LARP1: variants seen among roughly 807,000 people sequenced by gnomAD.
The protein encoded by LARP1 is la-related protein 1.
Under a neutral mutation model 122.7 loss-of-function variants are expected in LARP1, and 36 were observed. The observed-to-expected ratio is 0.29, with a 90% CI of 0.22 to 0.39. The LOEUF (loss-of-function observed/expected upper bound fraction) is 0.39, where lower values mean the gene tolerates loss of function less well. LARP1 is among the 10% of genes least tolerant of loss of function. The pLI, the probability that LARP1 is intolerant of heterozygous loss-of-function variation, is 1.00. For missense variants in LARP1, 1,040 were observed against 1,403.6 expected (o/e 0.74, Z 4.14); for synonymous variants, 539 against 528.7 (o/e 1.02, Z -0.27).
intron 1 of LARP1, among the ~76,000 whole-genome samples, chr5:154,732,349 T>C (rs1392746222): frequency 6.6e-6 from 1 of 152,172 alleles, no homozygotes; most frequent in African/African-American, 2.4e-5. Context: ...AGTGAGCTTA[T>C]TTACCTTTCT....
upstream of LARP1, among the ~76,000 whole-genome samples, chr5:154,710,285 G>A (rs79512357): frequency 0.02 from 3,026 of 152,218 alleles, 96 homozygotes; most frequent in African/African-American, 0.069. Flanking sequence ...AATTCACTTA[G>A]TTTATTTGTT....
chr5:154,729,665 G>A, intron 1 of LARP1: 3 of 365,934 alleles, frequency 8.2e-6, no homozygotes, highest in South Asian at 2.4e-5. Context: ...CTGAGCTGCT[G>A]GAATCTATCC....
intron 1 of LARP1, among the ~76,000 whole-genome samples, chr5:154,783,960 C>T (rs1047718383): frequency 1.3e-5 from 2 of 152,126 alleles, no homozygotes; most frequent in Non-Finnish European, 2.9e-5. Flanking sequence ...GTGAGTGTTG[C>T]ATTCTGGACT....
chr5:154,695,530 G>A (rs1013212232), intron 1 of LARP1, among the ~76,000 whole-genome samples: 4 of 151,770 alleles, frequency 2.6e-5, no homozygotes, highest in Admixed American at 6.6e-5. Flanking sequence ...GGTGGCGCGC[G>A]CCTGTAAACC....
rs534402905 is a variant in LARP1 at position 154,755,895 on chromosome 5, G to A, written c.138G>A (p.Gly46=). The part of the protein sequence containing the change: ...KGEPGPNDVR[G]GEPDGSARRP... ...AGCCCGGGCCAAACGACGTCCGCGG[G>A]GGGGAGCCGGACGGCAGCGCTCGGA... Residue 46 remains glycine, a synonymous_variant, in exon 1 of 19, where the codon GGG becomes GGA. Transcript: ENST00000518297. The A allele has an allele frequency of 4.9e-6, 5 of 1,011,426 alleles. No homozygotes were observed. Among genetic ancestry groups the A allele is most frequent in the Admixed American group, 1.2e-4 (2 of 17,034 alleles). The allele number at this position is 1,011,426 out of a possible 1,614,324, so 62.7% of individuals were successfully genotyped here. A position where few individuals can be genotyped will look rare whatever the true frequency, so the allele number is the denominator to read the frequency against.
chr5:154,701,248 C>G (rs1356075072), intron 1 of LARP1, among the ~76,000 whole-genome samples: 3 of 152,166 alleles, frequency 2.0e-5, no homozygotes, highest in Non-Finnish European at 4.4e-5. Flanking sequence ...AAGTAACGCC[C>G]CATTGCCCTC....
At position 154,792,863 on chromosome 5, in the gene LARP1, G is replaced by C. The variant is rs1431684950; in HGVS notation, c.739+67G>C. 3 of 1,518,976 alleles carry C rather than the reference G, an allele frequency of 2.0e-6. No individual in the cohort carries two copies. The East Asian group carries it at 6.8e-5, about 34-fold the overall frequency. The allele number at this position is 1,518,976 out of a possible 1,614,324, so 94.1% of individuals were successfully genotyped here. On this transcript the variant is annotated intron_variant, in intron 4 of 18. Coordinates refer to ENST00000518297, the MANE Select transcript of LARP1 (RefSeq NM_033551.3). ...AGAACTGTGAAATGTCAGGACTCCA[G>C]GGGACTGCTGGAGGAGCTTTAGGTG...
At chr5:154,695,955 G>A (rs1449141715) in intron 1 of LARP1, among the ~76,000 whole-genome samples, 3 of 152,208 alleles carry the variant, frequency 2.0e-5, no homozygotes, top group African/African-American at 7.2e-5. Flanking sequence ...ATGTACGCTA[G>A]TAGGTCTTGC....
chr5:154,739,771 G>A (rs1225118471), intron 1 of LARP1, among the ~76,000 whole-genome samples: 2 of 152,122 alleles, frequency 1.3e-5, no homozygotes, highest in Admixed American at 6.6e-5. Flanking sequence ...TCTAAGACTC[G>A]GAAAGACAAA....
chr5:154,696,761 T>A (rs1025465111), intron 1 of LARP1, among the ~76,000 whole-genome samples: 1 of 152,228 alleles, frequency 6.6e-6, no homozygotes, highest in Non-Finnish European at 1.5e-5. Context: ...CCAAGGCAGG[T>A]ATCAATCATT....
intron 1 of LARP1, among the ~76,000 whole-genome samples, chr5:154,783,552 G>A (rs1756631359): frequency 1.3e-5 from 2 of 152,158 alleles, no homozygotes; most frequent in Non-Finnish European, 2.9e-5. Context: ...CCTTTTAGTG[G>A]TTAAGAGCAC....
chr5:154,707,168 C>T (rs979879827), intron 1 of LARP1, among the ~76,000 whole-genome samples: 4 of 152,106 alleles, frequency 2.6e-5, no homozygotes, highest in Non-Finnish European at 5.9e-5. Flanking sequence ...CCTGCAATCC[C>T]AGCACTTTGG....
intron 1 of LARP1, among the ~76,000 whole-genome samples, chr5:154,766,949 C>T (rs1039386250): frequency 6.6e-6 from 1 of 152,168 alleles, no homozygotes; most frequent in Non-Finnish European, 1.5e-5. Context: ...ATCTAAACCT[C>T]TCATTTACAG....
chr5:154,780,569 C>T (rs1756343205), intron 1 of LARP1, among the ~76,000 whole-genome samples: 1 of 152,204 alleles, frequency 6.6e-6, no homozygotes, highest in Non-Finnish European at 1.5e-5. Flanking sequence ...GCCAGCTCTA[C>T]AGCAAATCAC....
chr5:154,799,146 G>T (rs1490567043), intron 8 of LARP1, among the ~76,000 whole-genome samples: 6 of 152,230 alleles, frequency 3.9e-5, no homozygotes, highest in Non-Finnish European at 7.3e-5. Flanking sequence ...ATAGACGTGA[G>T]CCACCAGGCC....
At chr5:154,770,509 T>C (rs1250496387) in intron 1 of LARP1, among the ~76,000 whole-genome samples, 3 of 151,988 alleles carry the variant, frequency 2.0e-5, no homozygotes, top group Non-Finnish European at 4.4e-5. Context: ...TCCCTGGCTC[T>C]CTCCCTGCCC....
At chr5:154,788,518 A>G (rs1350114297) in intron 1 of LARP1, among the ~76,000 whole-genome samples, 1 of 152,172 alleles carries the variant, frequency 6.6e-6, no homozygotes, top group African/African-American at 2.4e-5. Context: ...CAGCCGGGCA[A>G]ATTTCTCTGC....
intron 1 of LARP1, chr5:154,729,442 C>A: frequency 2.6e-6 from 1 of 384,940 alleles, no homozygotes; most frequent in East Asian, 6.5e-5. Context: ...TGCTATTGGC[C>A]TTGTTGTAAA....
intron 8 of LARP1, among the ~76,000 whole-genome samples, chr5:154,797,529 G>A (rs1010950605): frequency 1.3e-5 from 2 of 151,762 alleles, no homozygotes; most frequent in Admixed American, 6.6e-5. Context: ...TACCGCGCCC[G>A]GCCTGTTCTG....
Sources: allele counts gnomAD v4.1 joint callset (sites outside exome capture counted in the v4.1 genomes callset), GRCh38; gene constraint gnomAD v4.1.1; transcripts MANE v1.5; gene names NCBI Gene and HGNC (gene_info 2026-07-23, HGNC 2026-07-21).